The following SHISA9 variants were observed in gnomAD, a reference collection of about 807,000 sequenced individuals.
SHISA9 encodes the protein protein shisa-9.
Under a neutral mutation model 38.0 loss-of-function variants are expected in SHISA9, and 13 were observed. The ratio of observed to expected loss-of-function variants is 0.34; its 90% confidence interval spans 0.22 to 0.54. SHISA9 has a LOEUF of 0.54. Ranked by LOEUF, SHISA9 falls within the 20% of genes least tolerant of loss-of-function variation. The pLI is 0.91. For missense variants in SHISA9, 538 were observed against 575.8 expected (o/e 0.93, Z 0.67); for synonymous variants, 275 against 242.0 (o/e 1.14, Z -1.27).
chr16:12,908,531 G>T (rs373716269), intron 1 of SHISA9: 4 of 1,551,990 alleles, frequency 2.6e-6, no homozygotes, highest in Non-Finnish European at 3.5e-6. Context: ...CCAAGAGGAC[G>T]AACCTGCCCC....
chr16:12,975,662 G>GGGGGC (rs1555451392), intron 2 of SHISA9, among the ~76,000 whole-genome samples: 2 of 142,340 alleles, frequency 1.4e-5, no homozygotes, highest in African/African-American at 5.4e-5. Context: ...GGGGCGGGGG[G>GGGGGC]GGTAAGGGCA....
the SHISA9 span, among the ~76,000 whole-genome samples, chr16:13,536,266 G>A: frequency 0.11 from 16,691 of 152,158 alleles, 1,027 homozygotes; most frequent in Non-Finnish European, 0.15. Context: ...CAAAGTGCTG[G>A]GATTACAGGC....
chr16:13,491,676 G>T, the SHISA9 span, among the ~76,000 whole-genome samples: 18 of 151,596 alleles, frequency 1.2e-4, no homozygotes, highest in Non-Finnish European at 2.5e-4. Context: ...TCTTAGTAGA[G>T]TCGGGGTTTC....
chr16:13,000,270 C>T (rs1363361494), intron 2 of SHISA9, among the ~76,000 whole-genome samples: 1 of 151,784 alleles, frequency 6.6e-6, no homozygotes, highest in African/African-American at 2.4e-5. Flanking sequence ...GATAACAAAG[C>T]CTGAGTTGGA....
At chr16:13,242,277 C>T (rs976315649), downstream of SHISA9, among the ~76,000 whole-genome samples, 3 of 152,164 alleles carry the variant, frequency 2.0e-5, no homozygotes, top group African/African-American at 7.2e-5. Context: ...AGTGGGGCAG[C>T]TTGATAAAAA....
intron 2 of SHISA9, among the ~76,000 whole-genome samples, chr16:13,139,883 G>A (rs2050384183): frequency 6.6e-6 from 1 of 152,144 alleles, no homozygotes; most frequent in Non-Finnish European, 1.5e-5. Context: ...CACTCATTAA[G>A]CTACTGGCTC....
intron 2 of SHISA9, among the ~76,000 whole-genome samples, chr16:13,110,228 G>T (rs530975218): frequency 6.6e-6 from 1 of 152,254 alleles, no homozygotes; most frequent in African/African-American, 2.4e-5. Flanking sequence ...CCAGCCATTT[G>T]CTGGAGCATT....
chr16:13,560,492 T>C, the SHISA9 span, among the ~76,000 whole-genome samples: 2 of 152,038 alleles, frequency 1.3e-5, no homozygotes, highest in Non-Finnish European at 2.9e-5. Context: ...GAAACAATGG[T>C]TTTCCACACT....
intron 4 of SHISA9, among the ~76,000 whole-genome samples, chr16:13,220,296 C>T (rs2051210903): frequency 6.6e-6 from 1 of 152,120 alleles, no homozygotes; most frequent in Non-Finnish European, 1.5e-5. Flanking sequence ...CCATGTGCCT[C>T]ATCCTCAAAT....
the SHISA9 span, among the ~76,000 whole-genome samples, chr16:13,415,086 C>A: frequency 6.6e-6 from 1 of 152,126 alleles, no homozygotes; most frequent in Admixed American, 6.5e-5. Context: ...CTCAGGATTG[C>A]CACAGGTATG....
At chr16:13,071,240 G>A (rs1211285861) in intron 2 of SHISA9, among the ~76,000 whole-genome samples, 1 of 152,152 alleles carries the variant, frequency 6.6e-6, no homozygotes, top group Non-Finnish European at 1.5e-5. Flanking sequence ...CGTACAGCCA[G>A]CCTGGTCTTA....
chr16:13,159,462 G>A (rs2050577165), intron 2 of SHISA9, among the ~76,000 whole-genome samples: 1 of 152,198 alleles, frequency 6.6e-6, no homozygotes, highest in Non-Finnish European at 1.5e-5. Flanking sequence ...TGTGAGAGAA[G>A]AAAGCCCAGT....
the SHISA9 span, among the ~76,000 whole-genome samples, chr16:13,403,101 C>G: frequency 7.3e-6 from 1 of 136,470 alleles, no homozygotes; most frequent in Non-Finnish European, 1.6e-5. Context: ...GAGACTCCGT[C>G]TCAAAAACAC....
At chr16:13,148,309 A>T (rs1443636434) in intron 2 of SHISA9, among the ~76,000 whole-genome samples, 1 of 152,132 alleles carries the variant, frequency 6.6e-6, no homozygotes, top group East Asian at 1.9e-4. Flanking sequence ...GCAAGAGCAG[A>T]TGCAATGCCT....
At chr16:13,088,704 T>C (rs974071884) in intron 2 of SHISA9, among the ~76,000 whole-genome samples, 1 of 152,216 alleles carries the variant, frequency 6.6e-6, no homozygotes, top group East Asian at 1.9e-4. Flanking sequence ...CTTAAGGAGA[T>C]TTTGGGCTGA....
chr16:13,172,804 G>T (rs987163653), intron 2 of SHISA9, among the ~76,000 whole-genome samples: 2 of 151,196 alleles, frequency 1.3e-5, no homozygotes, highest in Admixed American at 1.3e-4. Flanking sequence ...CACGAGAGAG[G>T]AGGCGGGATT....
chr16:13,352,723 T>C, the SHISA9 span, among the ~76,000 whole-genome samples: 7 of 133,672 alleles, frequency 5.2e-5, no homozygotes, highest in East Asian at 1.5e-3. Flanking sequence ...CGGGGCGTTT[T>C]ATAGGATTTG....
chr16:13,024,618 G>C (rs888196709), intron 2 of SHISA9, among the ~76,000 whole-genome samples: 2 of 152,248 alleles, frequency 1.3e-5, no homozygotes, highest in Admixed American at 6.5e-5. Context: ...AAGTTGAAAT[G>C]CGAGAGATCT....
chr16:13,408,699 A>C, the SHISA9 span, among the ~76,000 whole-genome samples: 1 of 152,158 alleles, frequency 6.6e-6, no homozygotes, highest in African/African-American at 2.4e-5. Flanking sequence ...ACACAGCCTA[A>C]CTTTTGCCTT....
Sources: allele counts gnomAD v4.1 joint callset (sites outside exome capture counted in the v4.1 genomes callset), GRCh38; gene constraint gnomAD v4.1.1; transcripts MANE v1.5; gene names NCBI Gene and HGNC (gene_info 2026-07-23, HGNC 2026-07-21).